KIAA0825: variants seen among roughly 807,000 people sequenced by gnomAD.
KIAA0825 encodes uncharacterized protein KIAA0825.
KIAA0825 carries 119 observed loss-of-function variants against 147.6 expected under a neutral mutation model. The observed-to-expected ratio is 0.81, with a 90% CI of 0.69 to 0.94. The LOEUF (loss-of-function observed/expected upper bound fraction) is 0.94. Among genes scored for constraint, KIAA0825 ranks in the 40% least tolerant of loss-of-function variants. The probability of loss-of-function intolerance (pLI) is 0.00; values close to 1 mark genes in which losing one functional copy is unlikely to be tolerated. For synonymous variants in KIAA0825, 470 were observed against 518.1 expected (o/e 0.91, Z 1.26); for missense variants, 1,381 against 1,472.7 (o/e 0.94, Z 1.02).
intron 20 of KIAA0825, among the ~76,000 whole-genome samples, chr5:94,232,378 T>C (rs1217971283): frequency 1.3e-5 from 2 of 152,104 alleles, no homozygotes; most frequent in African/African-American, 4.8e-5. Context: ...GGTCAGCTGA[T>C]GTATTTTTAC....
chr5:94,604,822 T>C (rs532128040), intron 1 of KIAA0825, among the ~76,000 whole-genome samples: 2 of 151,974 alleles, frequency 1.3e-5, no homozygotes, highest in South Asian at 4.2e-4. Flanking sequence ...CAAGCTAACA[T>C]TACAATTAAA....
At chr5:94,417,485 C>T (rs1232904617) in intron 14 of KIAA0825, 120 bp from the exon 15 acceptor site, 1 of 747,168 alleles carries the variant, frequency 1.3e-6, no homozygotes, top group Non-Finnish European at 2.0e-6. Flanking sequence ...ATAAGATTTA[C>T]ATAAAAAGAG....
At chr5:94,214,650 G>T (rs996584681) in intron 20 of KIAA0825, among the ~76,000 whole-genome samples, 1 of 152,110 alleles carries the variant, frequency 6.6e-6, no homozygotes, top group Non-Finnish European at 1.5e-5. Flanking sequence ...ATATAACCCT[G>T]TCTGATGTCT....
intron 17 of KIAA0825, among the ~76,000 whole-genome samples, chr5:94,393,185 T>C (rs900051103): frequency 1.3e-5 from 2 of 152,214 alleles, no homozygotes; most frequent in African/African-American, 2.4e-5. Flanking sequence ...CTATCAATCA[T>C]GTCATTAGGG....
At chr5:94,226,203 A>G (rs531259373) in intron 20 of KIAA0825, among the ~76,000 whole-genome samples, 2 of 152,368 alleles carry the variant, frequency 1.3e-5, no homozygotes, top group South Asian at 4.1e-4. Context: ...AAGTGGGTAA[A>G]GGATATGAAC....
chr5:94,562,115 C>T (rs1391947383), intron 2 of KIAA0825, among the ~76,000 whole-genome samples: 3 of 151,972 alleles, frequency 2.0e-5, no homozygotes, highest in Non-Finnish European at 4.4e-5. Context: ...TAGATAAAAA[C>T]AATTTTTAAG....
chr5:94,432,829 C>G (rs1238083610), intron 14 of KIAA0825, among the ~76,000 whole-genome samples: 1 of 152,016 alleles, frequency 6.6e-6, no homozygotes, highest in Non-Finnish European at 1.5e-5. Flanking sequence ...AGTTTGAGAC[C>G]AGCCTGGGCA....
At chr5:94,262,711 A>G (rs543036492) in intron 20 of KIAA0825, among the ~76,000 whole-genome samples, 1 of 152,240 alleles carries the variant, frequency 6.6e-6, no homozygotes, top group East Asian at 1.9e-4. Context: ...TTTGTGTAAA[A>G]ACGTATATGT....
chr5:94,564,262 G>T (rs1778147142), intron 2 of KIAA0825, among the ~76,000 whole-genome samples: 1 of 145,064 alleles, frequency 6.9e-6, no homozygotes, highest in Non-Finnish European at 1.5e-5. Context: ...TGTCACCCAG[G>T]CTGGAATGGC....
chr5:94,599,672 A>C (rs1785998917), intron 1 of KIAA0825, among the ~76,000 whole-genome samples: 1 of 152,202 alleles, frequency 6.6e-6, no homozygotes, highest in South Asian at 2.1e-4. Flanking sequence ...ACTGCATTAA[A>C]ATTCAAAACT....
chr5:94,376,700 G>C (rs1747628115), intron 20 of KIAA0825, among the ~76,000 whole-genome samples: 1 of 152,232 alleles, frequency 6.6e-6, no homozygotes, highest in Non-Finnish European at 1.5e-5. Context: ...ATACAGTGAT[G>C]ATGGGTAGAG....
intron 20 of KIAA0825, among the ~76,000 whole-genome samples, chr5:94,356,742 T>TTTTTTTTTTTTG (rs1386151871): frequency 6.8e-6 from 1 of 146,374 alleles, no homozygotes; most frequent in Non-Finnish European, 1.5e-5. Flanking sequence ...TTTTTTTTTT[T>TTTTTTTTTTTTG]GAGACGGAGT....
At chr5:94,434,296 T>C (rs1562493185) in intron 14 of KIAA0825, among the ~76,000 whole-genome samples, 1 of 152,248 alleles carries the variant, frequency 6.6e-6, no homozygotes, top group Non-Finnish European at 1.5e-5. Context: ...AAAAACATAA[T>C]TCCACTTCCT....
chr5:94,542,650 T>TA (rs1773562494), intron 2 of KIAA0825, among the ~76,000 whole-genome samples: 1 of 151,804 alleles, frequency 6.6e-6, no homozygotes. Context: ...CTACTAAAAA[T>TA]ACAAAAATTA....
chr5:94,415,834 C>G (rs1417473519), intron 15 of KIAA0825: 1 of 152,176 alleles, frequency 6.6e-6, no homozygotes, highest in African/African-American at 2.4e-5. Flanking sequence ...CCATTTATAT[C>G]TTCTAGGTTA....
chr5:94,188,935 T>C (rs1472695442), intron 20 of KIAA0825, among the ~76,000 whole-genome samples: 3 of 152,208 alleles, frequency 2.0e-5, no homozygotes, highest in Admixed American at 6.5e-5. Flanking sequence ...TCAACACTTA[T>C]TATTGGCAGT....
chr5:94,261,960 A>G (rs936617667), intron 20 of KIAA0825, among the ~76,000 whole-genome samples: 1 of 152,134 alleles, frequency 6.6e-6, no homozygotes, highest in Non-Finnish European at 1.5e-5. Context: ...CATAAAAATG[A>G]TAAAGGAAAA....
At chr5:94,348,982 C>T (rs1480380487) in intron 20 of KIAA0825, among the ~76,000 whole-genome samples, 1 of 152,156 alleles carries the variant, frequency 6.6e-6, no homozygotes, top group Non-Finnish European at 1.5e-5. Flanking sequence ...GACCTAAATG[C>T]TCCATTTAAA....
chr5:94,410,198 G>GA (rs70978107), intron 15 of KIAA0825, among the ~76,000 whole-genome samples: 35 of 137,146 alleles, frequency 2.6e-4, no homozygotes, highest in Non-Finnish European at 4.0e-4. Context: ...AGACACTGCA[G>GA]AAAAAAAAAA....
Sources: allele counts gnomAD v4.1 joint callset (sites outside exome capture counted in the v4.1 genomes callset), GRCh38; gene constraint gnomAD v4.1.1; transcripts MANE v1.5; gene names NCBI Gene and HGNC (gene_info 2026-07-23, HGNC 2026-07-21).